The following DUSP14 variants were observed in gnomAD, a reference collection of about 807,000 sequenced individuals.
DUSP14 encodes the protein dual specificity protein phosphatase 14.
Under a neutral mutation model 13.2 loss-of-function variants are expected in DUSP14, and 5 were observed. The ratio of observed to expected loss-of-function variants is 0.38; its 90% CI spans 0.20 to 0.80. The LOEUF (loss-of-function observed/expected upper bound fraction) is 0.80. Among genes scored for constraint, DUSP14 ranks in the 30% least tolerant of loss-of-function variants. The pLI, the probability that DUSP14 is intolerant of heterozygous loss-of-function variation, is 0.44. For synonymous variants in DUSP14, 91 were observed against 103.4 expected (o/e 0.88, Z 0.73); for missense variants, 185 against 264.0 (o/e 0.70, Z 2.07).
At chr17:37,511,926 C>G (rs1173105724) in intron 2 of DUSP14, among the ~76,000 whole-genome samples, 2 of 55,454 alleles carry the variant, frequency 3.6e-5, no homozygotes, top group South Asian at 6.9e-4. Context: ...CAGCCACCCC[C>G]CCCCCACCCC....
At chr17:37,506,777 C>T (rs939988404) in intron 1 of DUSP14, among the ~76,000 whole-genome samples, 2 of 152,204 alleles carry the variant, frequency 1.3e-5, no homozygotes, top group Admixed American at 1.3e-4. Flanking sequence ...CTGAGGTCCA[C>T]CCTCTGCAGC....
At chr17:37,507,685 C>T (rs12937732) in intron 1 of DUSP14, among the ~76,000 whole-genome samples, 38,468 of 151,926 alleles carry the variant, frequency 0.25, 5,209 homozygotes, top group Admixed American at 0.4. Flanking sequence ...GTGATCTGCC[C>T]GCCTCGGCCT....
intron 1 of DUSP14, among the ~76,000 whole-genome samples, chr17:37,490,169 T>C (rs862490): frequency 0.72 from 107,968 of 150,828 alleles, 39,059 homozygotes; most frequent in East Asian, 0.97. Flanking sequence ...GCCCGAGACC[T>C]TCCGCAGCGC....
At position 37,512,726 on chromosome 17, in the gene DUSP14, G is replaced by T; in HGVS notation, c.454G>T (p.Val152Leu). ...KARRPVIRPN[V>L]GFWRQLIDYE... is the part of the protein sequence containing the mutation. ...CCGGCGACCTGTCATCAGGCCCAACGTAGGCTTCTGGAGGCAACTGATAGA... is the reference window on the plus strand; with the variant it reads ...CCGGCGACCTGTCATCAGGCCCAACTTAGGCTTCTGGAGGCAACTGATAGA... The change falls in exon 3 of 3, where the codon GTA becomes TTA. Residue 152 changes from valine (V) to leucine (L), a missense_variant. Physicochemically the swap from Val to Leu is conservative, Grantham distance 32 (BLOSUM62 1). Coordinates refer to ENST00000617516, the MANE Select transcript of DUSP14 (RefSeq NM_007026.4). This position sits in a 1 kb window ranked among gnomAD's most constrained non-coding sequence, Gnocchi z 4.8. 6.2e-7 allele frequency: 1 copy of T among 1,614,024 alleles called. No homozygotes were observed.
chr17:37,508,592 C>T (rs1394081912), intron 1 of DUSP14, among the ~76,000 whole-genome samples: 2 of 151,744 alleles, frequency 1.3e-5, no homozygotes, highest in Non-Finnish European at 2.9e-5. Flanking sequence ...AAAATAGCAA[C>T]GTGTGGTGGT....
chr17:37,493,980 A>G (rs1461189355), intron 1 of DUSP14, among the ~76,000 whole-genome samples: 1 of 151,474 alleles, frequency 6.6e-6, no homozygotes, highest in Non-Finnish European at 1.5e-5. Context: ...ACAGGAATCA[A>G]TGACTCTTTT....
chr17:37,494,011 T>G (rs75339936), intron 1 of DUSP14, among the ~76,000 whole-genome samples: 13 of 151,354 alleles, frequency 8.6e-5, no homozygotes, highest in Admixed American at 5.3e-4. Flanking sequence ...TTTTTTTTTT[T>G]GAGACAGAGT....
chr17:37,508,272 C>T (rs888576183), intron 1 of DUSP14, among the ~76,000 whole-genome samples: 1 of 150,442 alleles, frequency 6.6e-6, no homozygotes, highest in Non-Finnish European at 1.5e-5. Context: ...AGTTCTCAGA[C>T]GTGCCCCCGA....
At chr17:37,494,488 G>A (rs2054050673) in intron 1 of DUSP14, among the ~76,000 whole-genome samples, 1 of 152,156 alleles carries the variant, frequency 6.6e-6, no homozygotes, top group Non-Finnish European at 1.5e-5. Context: ...TGGGACTGCA[G>A]CATGTGCCAC....
rs368523072 is a variant in DUSP14, at chr17:37,498,610, G to A, written c.-181+8652G>A. Among the ~76,000 whole-genome samples the A allele has an allele frequency of 1.4e-4, 21 of 151,544 alleles. No individual in the cohort carries two copies. In the South Asian group the frequency reaches 4.4e-3, roughly 32 times the overall value. Reference sequence around the variant, plus strand: ...CAAAGTGCTGGGATTACAGGCGTGAGCCACCGCACCCGGCCTAGATTGTAT... The same window carrying A: ...CAAAGTGCTGGGATTACAGGCGTGAACCACCGCACCCGGCCTAGATTGTAT... On this transcript the variant is annotated intron_variant, in intron 1 of 2. Transcript: ENST00000617516.
rs568861769 is a variant in DUSP14, at chr17:37,512,922, C to G, written c.*53C>G. 7.0e-7 allele frequency: 1 copy of G among 1,422,560 alleles called. No homozygotes were observed. Among genetic ancestry groups the G allele is most frequent in the South Asian group, 1.3e-5 (1 of 78,228 alleles). 88.1% of individuals were successfully genotyped at this position (1,422,560 alleles called of 1,614,324 possible). On this transcript the variant is annotated 3_prime_UTR_variant, in exon 3 of 3. Transcript: ENST00000617516. This position sits in a 1 kb window ranked among gnomAD's most constrained non-coding sequence, Gnocchi z 4.8. ...GAGCGGGGCCGGCATCTGCTCCCCG[C>G]CGTCTGCTCCCTCTCCACTCTCTTC...
At chr17:37,495,862 G>A (rs1936219183) in intron 1 of DUSP14, among the ~76,000 whole-genome samples, 1 of 152,098 alleles carries the variant, frequency 6.6e-6, no homozygotes, top group African/African-American at 2.4e-5. Flanking sequence ...GTTTCACCAT[G>A]TTGGTCAGGC....
At chr17:37,500,584 A>AT (rs1055651373) in intron 1 of DUSP14, among the ~76,000 whole-genome samples, 5 of 152,102 alleles carry the variant, frequency 3.3e-5, no homozygotes, top group Admixed American at 6.6e-5. Flanking sequence ...CTGATTAGTG[A>AT]TTTTTTTAAG....
chr17:37,493,672 C>CT (rs35368460), intron 1 of DUSP14, among the ~76,000 whole-genome samples: 19,120 of 137,252 alleles, frequency 0.14, 1,275 homozygotes, highest in East Asian at 0.26. Context: ...TTTCATCAAT[C>CT]TTTTTTTTTT....
chr17:37,511,488 C>T (rs1199160053), intron 2 of DUSP14, among the ~76,000 whole-genome samples: 1 of 151,574 alleles, frequency 6.6e-6, no homozygotes, highest in Non-Finnish European at 1.5e-5. Flanking sequence ...CCAATGTTGG[C>T]CAGGCTGGTC....
At chr17:37,505,577 A>G (rs551502707) in intron 1 of DUSP14, among the ~76,000 whole-genome samples, 92 of 151,960 alleles carry the variant, frequency 6.1e-4, no homozygotes, top group African/African-American at 2.1e-3. Context: ...TTGACTGAAC[A>G]TGAAAAGAAA....
At chr17:37,494,586 TG>T (rs1008359341) in intron 1 of DUSP14, among the ~76,000 whole-genome samples, 3 of 152,052 alleles carry the variant, frequency 2.0e-5, no homozygotes, top group African/African-American at 7.2e-5. Context: ...GGATTTGAAG[TG>T]TGTGTGTGAG....
chr17:37,489,128 CA>C (rs1230560468), upstream of DUSP14, among the ~76,000 whole-genome samples: 2 of 152,128 alleles, frequency 1.3e-5, no homozygotes, highest in African/African-American at 4.8e-5. Context: ...TACAGATGGG[CA>C]GACCTGAATT....
chr17:37,497,686 G>A (rs2054074696), intron 1 of DUSP14, among the ~76,000 whole-genome samples: 1 of 151,652 alleles, frequency 6.6e-6, no homozygotes, highest in Admixed American at 6.6e-5. Context: ...CTTGAGCTCA[G>A]GAGGTCGAGG....
Sources: gnomAD v4.1 joint callset for allele counts (sites outside exome capture counted in the v4.1 genomes callset) on GRCh38, gnomAD v4.1.1 for gene constraint, Gnocchi (gnomAD v3.1) non-coding constraint, MANE v1.5 for transcripts, NCBI Gene and HGNC (gene_info 2026-07-23, HGNC 2026-07-21) for gene names.